The following LRRC53 variants were observed in gnomAD, a reference collection of about 807,000 sequenced individuals.
LRRC53 encodes leucine rich repeat containing 53.
In LRRC53, 25 loss-of-function variants were observed where a neutral mutation model predicts 13.6. The ratio of observed to expected loss-of-function variants is 1.83; its 90% CI spans 1.34 to 2.56. LRRC53 has a LOEUF of 2.56. Ranked by LOEUF, LRRC53 falls within the 30% of genes most tolerant of loss-of-function variation. The pLI, the probability that LRRC53 is intolerant of heterozygous loss-of-function variation, is 0.00. For missense variants in LRRC53, 527 were observed against 275.8 expected, an observed-to-expected ratio of 1.91 and a Z score of -6.45; for synonymous variants, 204 against 109.8, an observed-to-expected ratio of 1.86 and a Z score of -5.37.
Position 74,471,269 on chromosome 1 carries a change from T to C in LRRC53, c.2353A>G (p.Lys785Glu), listed in dbSNP as rs931564251. Residue 785 changes from lysine to glutamate, a missense_variant, in exon 5 of 5, where the codon AAG (lysine) becomes GAG (glutamate). By Grantham distance (56) the Lys-to-Glu change is moderately conservative (BLOSUM62 1). Transcript: ENST00000294635. ...GAGTCATGTTTCAGAGGCAGCCTCT[T>C]TGAAGTGAGTCTAACATAGTTGCTA... ...ESSNYVRLTS[K>E]RLPLKHDSKQ... The C allele has an allele frequency of 2.5e-6, 1 of 400,570 alleles. No homozygotes were observed. Among genetic ancestry groups the C allele is most frequent in the African/African-American group, 2.1e-5 (1 of 48,674 alleles). 24.8% of individuals were successfully genotyped at this position (400,570 alleles called of 1,614,324 possible). A position where few individuals can be genotyped will look rare whatever the true frequency, so the allele number is the denominator to read the frequency against.
intron 1 of LRRC53, among the ~76,000 whole-genome samples, chr1:74,510,036 A>C (rs1670105710): frequency 6.6e-6 from 1 of 152,034 alleles, no homozygotes; most frequent in Non-Finnish European, 1.5e-5. Flanking sequence ...CCCAGCTTGA[A>C]TTTCAATGTC....
At chr1:74,487,613 A>G (rs1668832005) in intron 1 of LRRC53, among the ~76,000 whole-genome samples, 1 of 152,126 alleles carries the variant, frequency 6.6e-6, no homozygotes, top group East Asian at 1.9e-4. Flanking sequence ...ATCTAATGAT[A>G]AATGTAAATG....
the LRRC53 span, among the ~76,000 whole-genome samples, chr1:74,523,768 A>C: frequency 6.6e-6 from 1 of 152,186 alleles, no homozygotes; most frequent in Non-Finnish European, 1.5e-5. Context: ...GCCCTGTGGC[A>C]TGTGGTTTTC....
chr1:74,519,875 A>G, the LRRC53 span, among the ~76,000 whole-genome samples: 1 of 152,132 alleles, frequency 6.6e-6, no homozygotes, highest in African/African-American at 2.4e-5. Context: ...TGGGTGTCCT[A>G]TCTGTGGGAG....
intron 3 of LRRC53, among the ~76,000 whole-genome samples, 180 bp downstream of exon 3, chr1:74,479,971 TCC>T (rs1299670906): frequency 2.0e-5 from 3 of 152,218 alleles, no homozygotes; most frequent in Admixed American, 6.5e-5. Context: ...TTAGACAGCT[TCC>T]CTGAAACAGG....
chr1:74,484,885 T>G (rs1261327249), intron 1 of LRRC53, among the ~76,000 whole-genome samples: 1 of 152,200 alleles, frequency 6.6e-6, no homozygotes, highest in Middle Eastern at 3.2e-3. Flanking sequence ...GGGAACTACT[T>G]TTAGATAAGC....
chr1:74,491,537 G>A (rs1669077688), intron 1 of LRRC53, among the ~76,000 whole-genome samples: 1 of 152,190 alleles, frequency 6.6e-6, no homozygotes, highest in Non-Finnish European at 1.5e-5. Flanking sequence ...ACCACACCCA[G>A]CCAAGTCCAA....
chr1:74,529,813 C>T, the LRRC53 span, among the ~76,000 whole-genome samples: 1 of 152,042 alleles, frequency 6.6e-6, no homozygotes, highest in African/African-American at 2.4e-5. Flanking sequence ...CATTTGATTC[C>T]AAAGTCTTTG....
intron 4 of LRRC53, among the ~76,000 whole-genome samples, chr1:74,474,703 G>C (rs1038583590): frequency 6.6e-6 from 1 of 152,144 alleles, no homozygotes; most frequent in Non-Finnish European, 1.5e-5. Flanking sequence ...CATCGCCCAT[G>C]TACAGTGGGT....
chr1:74,475,553 A>G lies in LRRC53; in HGVS notation c.1162T>C (p.Ser388Pro), dbSNP rs45496703. 1.0e-3 allele frequency: 745 copies of G among 717,418 alleles called. 4 individuals carry two copies. In the African/African-American group the frequency reaches 0.012, roughly 11 times the overall value. The allele number at this position is 717,418 out of a possible 1,614,324, so 44.4% of individuals were successfully genotyped here. A position where few individuals can be genotyped will look rare whatever the true frequency, so the allele number is the denominator to read the frequency against. ...LLQENSHQAT[S>P]ASESATLDGS... ...TCAAGGGTTGCAGACTCAGAGGCCGATGTTGCTTGATGGCTATTTTCCTGT... is the reference window on the plus strand; with the variant it reads ...TCAAGGGTTGCAGACTCAGAGGCCGGTGTTGCTTGATGGCTATTTTCCTGT... Residue 388 changes from serine (S) to proline (P), a missense_variant, in exon 4 of 5, where the codon TCG becomes CCG. Coordinates refer to ENST00000294635, the MANE Select transcript of LRRC53 (RefSeq NM_001382280.1).
At chr1:74,495,304 C>T (rs181527192) in intron 1 of LRRC53, among the ~76,000 whole-genome samples, 34 of 152,198 alleles carry the variant, frequency 2.2e-4, no homozygotes, top group African/African-American at 7.0e-4. Flanking sequence ...CTCTAGGAAT[C>T]GGTAAAGCGT....
At chr1:74,489,287 C>A in intron 1 of LRRC53, 4 of 1,589,558 alleles carry the variant, frequency 2.5e-6, no homozygotes, top group South Asian at 1.2e-5. Context: ...CATAAAAAAG[C>A]CCTGCATATC....
At chr1:74,523,868 GCACCCATTAATCTGT>G in the LRRC53 span, among the ~76,000 whole-genome samples, 1 of 152,096 alleles carries the variant, frequency 6.6e-6, no homozygotes, top group Non-Finnish European at 1.5e-5. Flanking sequence ...GTGGTTTGCT[GCACCCATTAATCTGT>G]CATCTACATT....
intron 1 of LRRC53, among the ~76,000 whole-genome samples, chr1:74,486,630 GATA>G (rs1468249647): frequency 6.6e-6 from 1 of 151,428 alleles, no homozygotes; most frequent in Non-Finnish European, 1.5e-5. Context: ...CTGGGCTAGA[GATA>G]ATAATCTGGA....
chr1:74,510,408 T>C (rs1308515846), intron 1 of LRRC53, among the ~76,000 whole-genome samples: 3 of 152,054 alleles, frequency 2.0e-5, no homozygotes, highest in Non-Finnish European at 4.4e-5. Context: ...CTCAGGAGGC[T>C]GAGGCAGGAG....
chr1:74,517,822 G>A, the LRRC53 span, among the ~76,000 whole-genome samples: 1 of 152,096 alleles, frequency 6.6e-6, no homozygotes, highest in African/African-American at 2.4e-5. Context: ...ATTTTTTAAG[G>A]CAAAAACTGC....
In LRRC53 at chr1:74,490,039, ATT is replaced by A. The variant is rs3835393; in HGVS notation, c.-26-6666_-26-6665del. The stretch of plus-strand genomic sequence containing the variant: ...AAGTGGAACCATCAAGAAAAGCAGG[ATT>A]TTTTTTTCTAAAAAAAAAAAAAAAA... On this transcript the variant is annotated intron_variant, in intron 1 of 4. Coordinates refer to ENST00000294635, the MANE Select transcript of LRRC53 (RefSeq NM_001382280.1). 1.2e-3 allele frequency among the ~76,000 whole-genome samples: 134 copies of A among 114,364 alleles called. 1 individual carries two copies. The highest frequency in any genetic ancestry group is 4.1e-3 in the African/African-American group (121 of 29,854). The allele number at this position is 114,364 out of a possible 152,430, so 75.0% of individuals were successfully genotyped here.
At chr1:74,475,116 C>CCACACA (rs3058791) in intron 4 of LRRC53, among the ~76,000 whole-genome samples, 179 bp downstream of exon 4, 13,970 of 135,828 alleles carry the variant, frequency 0.1, 728 homozygotes, top group East Asian at 0.14. Flanking sequence ...CCACCTCAGC[C>CCACACA]CACACACACA....
At chr1:74,475,116 CCACA>C (rs3058791) in intron 4 of LRRC53, among the ~76,000 whole-genome samples, 175 bp downstream of exon 4, 2,530 of 135,940 alleles carry the variant, frequency 0.019, 32 homozygotes, top group Admixed American at 0.046. Flanking sequence ...CCACCTCAGC[CCACA>C]CACACACACA....
Sources: allele counts gnomAD v4.1 joint callset (sites outside exome capture counted in the v4.1 genomes callset), GRCh38; gene constraint gnomAD v4.1.1; transcripts MANE v1.5; gene names NCBI Gene and HGNC (gene_info 2026-07-23, HGNC 2026-07-21).